Variants in PRSS23 observed in about 807,000 individuals in gnomAD.
PRSS23 encodes the protein serine protease 23, also known as protease, serine 23.
Under a neutral mutation model 34.7 loss-of-function variants are expected in PRSS23, and 25 were observed. The ratio of observed to expected loss-of-function variants is 0.72; its 90% CI spans 0.53 to 1.01. PRSS23 has a LOEUF of 1.01. PRSS23 is among the 50% of genes least tolerant of loss of function. The pLI, the probability that PRSS23 is intolerant of heterozygous loss-of-function variation, is 0.00. For synonymous variants in PRSS23, 176 were observed against 186.6 expected, an observed-to-expected ratio of 0.94 and a Z score of 0.46; for missense variants, 445 against 475.6, an observed-to-expected ratio of 0.94 and a Z score of 0.60.
chr11:86,878,443 T>C (rs1434414498), intron 2 of PRSS23, among the ~76,000 whole-genome samples: 2 of 152,138 alleles, frequency 1.3e-5, no homozygotes, highest in African/African-American at 2.4e-5. Flanking sequence ...TCGTATTTTT[T>C]TGGTGGAGAC....
chr11:86,884,092 C>A (rs961325555), intron 2 of PRSS23, among the ~76,000 whole-genome samples: 9 of 152,126 alleles, frequency 5.9e-5, no homozygotes, highest in African/African-American at 2.2e-4. Context: ...GCCAGTAAAT[C>A]ATCTAGTCTT....
exon 3 of PRSS23, chr11:86,951,423 T>A: frequency 6.2e-7 from 1 of 1,613,364 alleles, no homozygotes; most frequent in South Asian, 1.1e-5. Context: ...GCAGGAACTG[T>A]GTACAGTACT....
intron 2 of PRSS23, among the ~76,000 whole-genome samples, chr11:86,886,398 ACT>A (rs1200591117): frequency 6.6e-6 from 1 of 151,954 alleles, no homozygotes; most frequent in Non-Finnish European, 1.5e-5. Context: ...CTGCAACACA[ACT>A]CTGAAGTGCT....
intron 2 of PRSS23, among the ~76,000 whole-genome samples, chr11:86,841,774 A>G (rs1948450359): frequency 6.6e-6 from 1 of 152,206 alleles, no homozygotes; most frequent in Admixed American, 6.5e-5. Flanking sequence ...AAGGTCTGAA[A>G]TTGAGGCAAT....
intron 2 of PRSS23, among the ~76,000 whole-genome samples, chr11:86,938,801 TA>T (rs1222898858): frequency 1.3e-5 from 2 of 152,004 alleles, no homozygotes; most frequent in Non-Finnish European, 2.9e-5. Context: ...CCTCTCTCTT[TA>T]AAAATCAGCC....
intron 2 of PRSS23, among the ~76,000 whole-genome samples, chr11:86,847,228 G>A (rs373373022): frequency 5.4e-4 from 83 of 152,298 alleles, no homozygotes; most frequent in African/African-American, 1.4e-3. Context: ...GCCTCCTGTT[G>A]CTAATTCAGA....
intron 1 of PRSS23, among the ~76,000 whole-genome samples, chr11:86,817,790 T>A (rs1948224602): frequency 6.6e-6 from 1 of 152,238 alleles, no homozygotes; most frequent in Admixed American, 6.5e-5. Flanking sequence ...ATGATTTACA[T>A]ATATTAATTA....
At chr11:86,928,138 TATA>T (rs1289523568) in intron 2 of PRSS23, among the ~76,000 whole-genome samples, 1 of 148,424 alleles carries the variant, frequency 6.7e-6, no homozygotes, top group Non-Finnish European at 1.5e-5. Context: ...ATTATATACT[TATA>T]ATACATATTA....
chr11:86,868,641 G>T (rs1239974049), intron 2 of PRSS23, among the ~76,000 whole-genome samples: 1 of 152,130 alleles, frequency 6.6e-6, no homozygotes, highest in African/African-American at 2.4e-5. Flanking sequence ...CATGCCATGG[G>T]ATTCCTTGCA....
intron 2 of PRSS23, chr11:86,911,419 T>C (rs1250463290): frequency 6.6e-6 from 1 of 151,806 alleles, no homozygotes; most frequent in Non-Finnish European, 1.5e-5. Flanking sequence ...ACCCAAATAG[T>C]GAACATAGTA....
At chr11:86,867,980 T>C (rs1197394849) in intron 2 of PRSS23, among the ~76,000 whole-genome samples, 3 of 151,814 alleles carry the variant, frequency 2.0e-5, no homozygotes, top group Admixed American at 6.6e-5. Flanking sequence ...GCTAGGAGGC[T>C]ACTCGCCTCG....
intron 2 of PRSS23, among the ~76,000 whole-genome samples, chr11:86,939,801 C>G (rs759723434): frequency 6.7e-6 from 1 of 148,634 alleles, no homozygotes; most frequent in Non-Finnish European, 1.5e-5. Context: ...GGGGGACACA[C>G]AAAAATGCTA....
intron 2 of PRSS23, chr11:86,939,228 T>G: frequency 3.5e-6 from 1 of 284,912 alleles, no homozygotes; most frequent in Non-Finnish European, 6.9e-6. Flanking sequence ...AGCAAACACA[T>G]AAACAAAAAA....
chr11:86,931,632 AT>A (rs532447910), intron 2 of PRSS23, among the ~76,000 whole-genome samples: 36 of 152,306 alleles, frequency 2.4e-4, no homozygotes, highest in African/African-American at 8.7e-4. Context: ...CGATGGAAAT[AT>A]TGTATCTCTT....
At chr11:86,938,966 C>A in intron 2 of PRSS23, 1 of 425,788 alleles carries the variant, frequency 2.3e-6, no homozygotes, top group South Asian at 1.7e-5. Context: ...AGGAGGCCTT[C>A]TCAAAAATAT....
At chr11:86,818,007 T>G (rs1185248024) in intron 1 of PRSS23, among the ~76,000 whole-genome samples, 2 of 152,164 alleles carry the variant, frequency 1.3e-5, no homozygotes. Flanking sequence ...TAACCATGCC[T>G]CCAGATTGGG....
chr11:86,948,671 A>T (rs1262409533), intron 2 of PRSS23: 4 of 152,168 alleles, frequency 2.6e-5, no homozygotes, highest in African/African-American at 9.7e-5. Flanking sequence ...AGAACTCAAA[A>T]CTCAGAAATC....
intron 2 of PRSS23, among the ~76,000 whole-genome samples, chr11:86,879,463 C>A (rs541292945): frequency 2.0e-5 from 3 of 151,300 alleles, no homozygotes; most frequent in African/African-American, 7.3e-5. Flanking sequence ...GGGGTCAGCC[C>A]CCGCCAGGCC....
chr11:86,899,795 C>A (rs1167171609), intron 2 of PRSS23, among the ~76,000 whole-genome samples: 1 of 150,930 alleles, frequency 6.6e-6, no homozygotes, highest in East Asian at 1.9e-4. Context: ...GGATTACAGG[C>A]ATGAGCCACC....
Sources: allele counts gnomAD v4.1 joint callset (sites outside exome capture counted in the v4.1 genomes callset), GRCh38; gene constraint gnomAD v4.1.1; transcripts MANE v1.5; gene names NCBI Gene and HGNC (gene_info 2026-07-23, HGNC 2026-07-21).